INPP4B: variants seen among roughly 807,000 people sequenced by gnomAD.
INPP4B encodes inositol polyphosphate-4-phosphatase type II B.
In INPP4B, 55 loss-of-function variants were observed where a neutral mutation model predicts 122.5. The observed-to-expected ratio is 0.45, with a 90% CI of 0.36 to 0.56. INPP4B has a LOEUF of 0.56. Among genes scored for constraint, INPP4B ranks in the 20% least tolerant of loss-of-function variants. INPP4B has a pLI of 0.00. For missense variants in INPP4B, 1,000 were observed against 1,097.7 expected, an observed-to-expected ratio of 0.91 and a Z score of 1.26; for synonymous variants, 403 against 388.7, an observed-to-expected ratio of 1.04 and a Z score of -0.43.
chr4:142,081,150 G>A (rs546219786), intron 25 of INPP4B, among the ~76,000 whole-genome samples: 10 of 152,248 alleles, frequency 6.6e-5, no homozygotes, highest in Non-Finnish European at 1.2e-4. Flanking sequence ...ATGAAAGACT[G>A]CAGCAGTTAA....
At chr4:142,609,794 C>T (rs562632691) in intron 2 of INPP4B, among the ~76,000 whole-genome samples, 5 of 152,284 alleles carry the variant, frequency 3.3e-5, no homozygotes, top group East Asian at 3.9e-4. Flanking sequence ...ACTGTTTTCT[C>T]AGCCCTTTTG....
chr4:142,628,330 A>G (rs957337819), intron 2 of INPP4B, among the ~76,000 whole-genome samples: 133 of 144,554 alleles, frequency 9.2e-4, no homozygotes, highest in Non-Finnish European at 9.8e-4. Context: ...TAAACACCGC[A>G]TATTCTCACT....
intron 2 of INPP4B, among the ~76,000 whole-genome samples, chr4:142,691,370 C>A (rs916025673): frequency 6.6e-6 from 1 of 151,222 alleles, no homozygotes; most frequent in Non-Finnish European, 1.5e-5. Context: ...AGGACCCACA[C>A]AATCCTAGGC....
chr4:142,086,803 T>A (rs1777055100), intron 23 of INPP4B, among the ~76,000 whole-genome samples: 1 of 152,226 alleles, frequency 6.6e-6, no homozygotes, highest in South Asian at 2.1e-4. Context: ...TAATATCAAG[T>A]GGTCCTACAG....
chr4:142,341,920 C>T (rs1778828960), intron 7 of INPP4B, among the ~76,000 whole-genome samples: 1 of 152,056 alleles, frequency 6.6e-6, no homozygotes, highest in African/African-American at 2.4e-5. Flanking sequence ...AGATTCTTCC[C>T]CAGTTAAGCC....
intron 2 of INPP4B, among the ~76,000 whole-genome samples, chr4:142,465,132 C>A (rs1817516596): frequency 6.6e-6 from 1 of 152,118 alleles, no homozygotes; most frequent in African/African-American, 2.4e-5. Context: ...CTTTATATAG[C>A]AATGAATAGA....
At chr4:142,237,662 A>T (rs1040654221) in intron 12 of INPP4B, among the ~76,000 whole-genome samples, 5 of 152,080 alleles carry the variant, frequency 3.3e-5, no homozygotes, top group African/African-American at 7.2e-5. Context: ...ATAGAAATAG[A>T]TAACATAGAA....
intron 1 of INPP4B, among the ~76,000 whole-genome samples, chr4:142,727,042 T>C (rs1765427374): frequency 6.6e-6 from 1 of 152,188 alleles, no homozygotes; most frequent in Non-Finnish European, 1.5e-5. Flanking sequence ...ACTGCCCTAG[T>C]GAGCCACACA....
intron 9 of INPP4B, among the ~76,000 whole-genome samples, chr4:142,291,920 G>T (rs1252570906): frequency 6.6e-6 from 1 of 152,094 alleles, no homozygotes; most frequent in Non-Finnish European, 1.5e-5. Context: ...CTGAGAAAAT[G>T]ACACAATTTT....
chr4:142,693,450 G>A (rs1760519001), intron 2 of INPP4B, among the ~76,000 whole-genome samples: 1 of 113,414 alleles, frequency 8.8e-6, no homozygotes, highest in Non-Finnish European at 1.7e-5. Flanking sequence ...CAACTTTCTG[G>A]CATTTAGCTG....
At chr4:142,192,283 A>G (rs1041167857) in intron 15 of INPP4B, among the ~76,000 whole-genome samples, 2 of 133,966 alleles carry the variant, frequency 1.5e-5, no homozygotes, top group Admixed American at 7.2e-5. Flanking sequence ...ACCATGGTTA[A>G]AAAAAAAAGA....
intron 11 of INPP4B, among the ~76,000 whole-genome samples, chr4:142,253,902 G>A (rs1281302458): frequency 1.3e-5 from 2 of 152,142 alleles, no homozygotes; most frequent in African/African-American, 4.8e-5. Context: ...TCTGGGGGCA[G>A]GGCACAGACA....
At chr4:142,240,699 T>C (rs1324172674) in intron 11 of INPP4B, among the ~76,000 whole-genome samples, 1 of 152,158 alleles carries the variant, frequency 6.6e-6, no homozygotes, top group Non-Finnish European at 1.5e-5. Context: ...CAACCCAGTT[T>C]GACCCAGCAG....
At chr4:142,185,370 T>C (rs903264633) in intron 15 of INPP4B, among the ~76,000 whole-genome samples, 2 of 132,626 alleles carry the variant, frequency 1.5e-5, no homozygotes, top group African/African-American at 2.6e-5. Context: ...AGATATATAT[T>C]TATAAATATA....
intron 2 of INPP4B, among the ~76,000 whole-genome samples, chr4:142,653,856 G>C (rs190288683): frequency 9.2e-4 from 140 of 152,144 alleles, no homozygotes; most frequent in Admixed American, 2.1e-3. Flanking sequence ...TTGACCCAGC[G>C]ATCGCATTCC....
At chr4:142,646,015 A>T (rs539211431) in intron 2 of INPP4B, among the ~76,000 whole-genome samples, 13 of 152,328 alleles carry the variant, frequency 8.5e-5, no homozygotes, top group African/African-American at 3.1e-4. Flanking sequence ...ATAGTAACAG[A>T]AACCTGATCA....
At chr4:142,772,782 C>T (rs1015454077) in intron 1 of INPP4B, among the ~76,000 whole-genome samples, 4 of 152,152 alleles carry the variant, frequency 2.6e-5, no homozygotes, top group Non-Finnish European at 4.4e-5. Context: ...TGGTGGCACA[C>T]GCCTGTAATC....
chr4:142,328,593 G>T (rs1329877506), intron 7 of INPP4B, among the ~76,000 whole-genome samples: 2 of 152,100 alleles, frequency 1.3e-5, no homozygotes, highest in Non-Finnish European at 2.9e-5. Flanking sequence ...AGACATTAAG[G>T]AGATTTACAA....
At chr4:142,588,218 G>T (rs1223692693) in intron 2 of INPP4B, among the ~76,000 whole-genome samples, 1 of 151,820 alleles carries the variant, frequency 6.6e-6, no homozygotes, top group African/African-American at 2.4e-5. Flanking sequence ...TAAGAAACTA[G>T]ATACTTTTCC....
Sources: gnomAD v4.1 joint callset for allele counts (sites outside exome capture counted in the v4.1 genomes callset) on GRCh38, gnomAD v4.1.1 for gene constraint, MANE v1.5 for transcripts, NCBI Gene and HGNC (gene_info 2026-07-23, HGNC 2026-07-21) for gene names.